The following ACACB variants were observed in gnomAD, a reference collection of about 807,000 sequenced individuals.
The protein encoded by ACACB is acetyl-CoA carboxylase 2.
In ACACB, 209 loss-of-function variants were observed where a neutral mutation model predicts 278.8. The ratio of observed to expected loss-of-function variants is 0.75; its 90% CI spans 0.67 to 0.84. ACACB has a LOEUF of 0.84. ACACB is among the 40% of genes least tolerant of loss of function. ACACB has a pLI of 0.00. For missense variants in ACACB, 2,850 were observed against 3,269.0 expected (o/e 0.87, Z 3.13); for synonymous variants, 1,174 against 1,285.6 (o/e 0.91, Z 1.86).
At chr12:109,138,693 C>G (rs1187882303) in intron 1 of ACACB, among the ~76,000 whole-genome samples, 1 of 151,958 alleles carries the variant, frequency 6.6e-6, no homozygotes, top group Non-Finnish European at 1.5e-5. Flanking sequence ...TCTGTCTCCA[C>G]AAAAATACAA....
chr12:109,166,839 GT>G, intron 2 of ACACB, 21 bp from the exon 3 acceptor site: 7 of 1,613,870 alleles, frequency 4.3e-6, no homozygotes, highest in Non-Finnish European at 5.9e-6. Context: ...ATGCACGTCT[GT>G]CCCTCATTCT....
In ACACB at chr12:109,116,601, G is replaced by A. The variant is rs142632782; in HGVS notation, c.-113G>A. Reference sequence around the variant, plus strand: ...TTGCAGTCCCCAGAGTAAGCAGCTAGCAGGCTTAGATTCAGGCCCTCAGCA... The same window carrying A: ...TTGCAGTCCCCAGAGTAAGCAGCTAACAGGCTTAGATTCAGGCCCTCAGCA... On this transcript the variant is annotated 5_prime_UTR_variant, in exon 1 of 53. Coordinates refer to ENST00000338432, the MANE Select transcript of ACACB (RefSeq NM_001093.4). 253 of 152,334 alleles carry A rather than the reference G, an allele frequency of 1.7e-3. 2 individuals carry two copies. Among genetic ancestry groups the A allele is most frequent in the African/African-American group, 5.9e-3 (246 of 41,576 alleles). The allele number at this position is 152,334 out of a possible 1,614,324, so 9.4% of individuals were successfully genotyped here.
chr12:109,206,307 G>A (rs762586908), intron 19 of ACACB, among the ~76,000 whole-genome samples: 1 of 151,630 alleles, frequency 6.6e-6, no homozygotes, highest in African/African-American at 2.4e-5. Flanking sequence ...GGTGGCCTGC[G>A]CCTGTAGTCC....
intron 18 of ACACB, 127 bp downstream of exon 18, chr12:109,199,679 C>A: frequency 9.6e-7 from 1 of 1,038,892 alleles, no homozygotes; most frequent in Non-Finnish European, 1.3e-6. Context: ...CTAAGGGAAT[C>A]AGTCTGTGGA....
At chr12:109,194,055 G>A (rs1454786064) in intron 16 of ACACB, among the ~76,000 whole-genome samples, 3 of 152,192 alleles carry the variant, frequency 2.0e-5, no homozygotes, top group African/African-American at 7.2e-5. Flanking sequence ...CGAGGTGTTG[G>A]CGGGCCGTGG....
At position 109,233,737 on chromosome 12, in the gene ACACB, C is replaced by T. The variant is rs769001539; in HGVS notation, c.4140-11C>T. 57 of 1,612,544 alleles carry T rather than the reference C, an allele frequency of 3.5e-5. No individual in the cohort carries two copies. Among genetic ancestry groups the T allele is most frequent in the South Asian group, 1.1e-4 (10 of 90,856 alleles). ...AGCCCCTCAGCCCTCCCTCTCTACC[C>T]GCACCCCCAGAAATTTTGATGAAGT... is the stretch of plus-strand genomic sequence containing the variant. On this transcript the variant is annotated splice_polypyrimidine_tract_variant and intron_variant, in intron 29 of 52. Coordinates refer to ENST00000338432, the MANE Select transcript of ACACB (RefSeq NM_001093.4).
chr12:109,178,647 T>C (rs1432379788), intron 9 of ACACB, among the ~76,000 whole-genome samples: 1 of 152,206 alleles, frequency 6.6e-6, no homozygotes, highest in Non-Finnish European at 1.5e-5. Context: ...CCAAGACAGC[T>C]GTAGGTAAAG....
chr12:109,112,578 T>C (rs2135905629), upstream of ACACB, among the ~76,000 whole-genome samples: 1 of 151,684 alleles, frequency 6.6e-6, no homozygotes, highest in East Asian at 1.9e-4. Context: ...GGCACATGCC[T>C]GTAATCCCAG....
rs1001786252 is a variant in ACACB, at chr12:109,188,613, A to G, written c.2144+451A>G. On this transcript the variant is annotated intron_variant, in intron 13 of 52. Transcript: ENST00000338432. ...GAAACGGTCCCCTGGGGCTTCAGAT[A>G]CAGTAGCATTTCAGGAGACCAAGAA... Among the ~76,000 whole-genome samples, 7 of 151,708 alleles carry G rather than the reference A, an allele frequency of 4.6e-5. No homozygotes were observed. In the South Asian group the frequency reaches 8.3e-4, roughly 18 times the overall value.
intron 27 of ACACB, among the ~76,000 whole-genome samples, chr12:109,226,387 C>G (rs954662391): frequency 6.6e-6 from 1 of 151,988 alleles, no homozygotes; most frequent in African/African-American, 2.4e-5. Flanking sequence ...TTTGGCCCAC[C>G]ACCTGTTTCT....
chr12:109,181,229 C>CTTTTTT (rs1219593155), intron 11 of ACACB, among the ~76,000 whole-genome samples: 7 of 130,760 alleles, frequency 5.4e-5, no homozygotes, highest in African/African-American at 8.7e-5. Flanking sequence ...TTTTTCTTTT[C>CTTTTTT]TTTTTTTTTT....
rs1038732808 is a variant in ACACB at position 109,254,392 on chromosome 12, G to A, written c.6166+58G>A. ...TCTCGGGTTTCTTTCTAGGGCTTGA[G>A]ACAAAGGAGCACTTTGTCTCAAGCG... On this transcript the variant is annotated intron_variant, in intron 44 of 52. Coordinates refer to ENST00000338432, the MANE Select transcript of ACACB (RefSeq NM_001093.4). The A allele has an allele frequency of 2.4e-5, 37 of 1,516,234 alleles. 2 individuals are homozygous for A. Among genetic ancestry groups the A allele is most frequent in the East Asian group, 1.4e-4 (6 of 42,984 alleles). 93.9% of individuals were successfully genotyped at this position (1,516,234 alleles called of 1,614,324 possible). A position where few individuals can be genotyped will look rare whatever the true frequency, so the allele number is the denominator to read the frequency against.
At chr12:109,203,669 G>T (rs1403973830) in intron 19 of ACACB, among the ~76,000 whole-genome samples, 2 of 152,230 alleles carry the variant, frequency 1.3e-5, no homozygotes, top group Admixed American at 1.3e-4. Context: ...GCGTCCCCCT[G>T]TCCTCAGGAC....
chr12:109,179,598 C>T (rs2044395426), intron 10 of ACACB, among the ~76,000 whole-genome samples: 1 of 152,238 alleles, frequency 6.6e-6, no homozygotes, highest in East Asian at 1.9e-4. Context: ...GTGATCCTCC[C>T]ACCTCAGCCT....
At chr12:109,253,275 C>T in intron 43 of ACACB, 117 bp downstream of exon 43, 1 of 1,146,828 alleles carries the variant, frequency 8.7e-7, no homozygotes, top group Non-Finnish European at 1.2e-6. Context: ...AAGCACTGCA[C>T]ATGTGGCTGG....
At chr12:109,166,839 G>A in intron 2 of ACACB, 22 bp from the exon 3 acceptor site, 2 of 1,613,870 alleles carry the variant, frequency 1.2e-6, no homozygotes, top group Non-Finnish European at 1.7e-6. Flanking sequence ...ATGCACGTCT[G>A]TCCCTCATTC....
chr12:109,117,370 A>G (rs970658782), intron 1 of ACACB, among the ~76,000 whole-genome samples: 6 of 151,810 alleles, frequency 4.0e-5, no homozygotes, highest in Non-Finnish European at 2.9e-5. Flanking sequence ...AAAAAAAAAA[A>G]AAAAGAAAAG....
At chr12:109,258,880 G>T in intron 46 of ACACB, 93 bp from the exon 47 acceptor site, 6 of 1,509,324 alleles carry the variant, frequency 4.0e-6, no homozygotes, top group Non-Finnish European at 5.4e-6. Flanking sequence ...AGATCAGATC[G>T]CCTGCCATCC....
At chr12:109,199,345 G>A in intron 17 of ACACB, 57 bp from the exon 18 acceptor site, 2 of 1,334,622 alleles carry the variant, frequency 1.5e-6, no homozygotes, top group South Asian at 2.3e-5. Flanking sequence ...CCGGACTAGG[G>A]CTTGCTGAGT....
Sources: allele counts gnomAD v4.1 joint callset (sites outside exome capture counted in the v4.1 genomes callset), GRCh38; gene constraint gnomAD v4.1.1; transcripts MANE v1.5; gene names NCBI Gene and HGNC (gene_info 2026-07-23, HGNC 2026-07-21).